Variants in ALPK2 observed in about 807,000 individuals in gnomAD.
ALPK2 encodes alpha kinase 2.
In ALPK2, 127 loss-of-function variants were observed where a neutral mutation model predicts 163.1. The ratio of observed to expected loss-of-function variants is 0.78; its 90% CI spans 0.67 to 0.90. The LOEUF (loss-of-function observed/expected upper bound fraction) is 0.90. Among genes scored for constraint, ALPK2 ranks in the 40% least tolerant of loss-of-function variants. The pLI is 0.00. For missense variants in ALPK2, 2,360 were observed against 2,589.6 expected, an observed-to-expected ratio of 0.91 and a Z score of 1.92; for synonymous variants, 953 against 959.1, an observed-to-expected ratio of 0.99 and a Z score of 0.12.
chr18:58,589,067 T>A (rs546032886), intron 3 of ALPK2, among the ~76,000 whole-genome samples: 1 of 152,206 alleles, frequency 6.6e-6, no homozygotes, highest in Admixed American at 6.5e-5. Context: ...TTGAGAATCA[T>A]TGATTTAAGC....
Position 58,579,143 on chromosome 18 carries a change from T to C in ALPK2, c.1633A>G (p.Asn545Asp), listed in dbSNP as rs1170979345. 1.2e-6 allele frequency: 2 copies of C among 1,614,048 alleles called. No individual in the cohort carries two copies. Among genetic ancestry groups the C allele is most frequent in the African/African-American group, 2.7e-5 (2 of 74,912 alleles). ...ARVRQPGMKG[N>D]PKKPNANLRE... ...AGGTTGGCATTCGGCTTCTTGGGAT[T>C]TCCCTTCATTCCCGGCTGCCTCACC... The change falls in exon 4 of 13, where the codon AAT (asparagine) becomes GAT (aspartate). Residue 545 changes from asparagine to aspartate, a missense_variant. Transcript: ENST00000361673.
intron 12 of ALPK2, among the ~76,000 whole-genome samples, chr18:58,486,407 C>G (rs923650102): frequency 6.6e-6 from 1 of 152,194 alleles, no homozygotes; most frequent in African/African-American, 2.4e-5. Context: ...ACTAGACACC[C>G]CTCTCAGAGT....
intron 4 of ALPK2, among the ~76,000 whole-genome samples, chr18:58,543,168 G>GC (rs140402103): frequency 6.1e-4 from 93 of 152,312 alleles, no homozygotes; most frequent in Admixed American, 1.7e-3. Flanking sequence ...GTGATGCCCT[G>GC]CTCTGCCTTG....
chr18:58,590,701 T>C (rs892837863), intron 3 of ALPK2, among the ~76,000 whole-genome samples: 3 of 152,244 alleles, frequency 2.0e-5, no homozygotes, highest in Non-Finnish European at 4.4e-5. Flanking sequence ...AAGAATTCTC[T>C]GAATTTCTTG....
chr18:58,546,129 G>A (rs111992404), intron 4 of ALPK2, among the ~76,000 whole-genome samples: 108 of 146,650 alleles, frequency 7.4e-4, no homozygotes, highest in Non-Finnish European at 1.2e-3. Flanking sequence ...AGGATAACAC[G>A]TAATAGACTG....
chr18:58,607,345 A>G lies in ALPK2; in HGVS notation c.204T>C (p.Tyr68=). 6.2e-7 allele frequency: 1 copy of G among 1,613,084 alleles called. No individual in the cohort carries two copies. The highest frequency in any genetic ancestry group is 8.5e-7 in the Non-Finnish European group (1 of 1,179,382). Residue 68 remains tyrosine, a synonymous_variant, in exon 3 of 13, where the codon TAT becomes TAC. Coordinates refer to ENST00000361673, the MANE Select transcript of ALPK2 (RefSeq NM_052947.4). ...ISNYEFFENQ[Y]IHVLHLSCCT... ...ACCAAGAGAGATGTAACACATGAATATACTGATTCTCAAAGAATTCATAGT... is the reference window on the plus strand; with the variant it reads ...ACCAAGAGAGATGTAACACATGAATGTACTGATTCTCAAAGAATTCATAGT...
At chr18:58,494,309 G>A (rs1428541466) in intron 12 of ALPK2, among the ~76,000 whole-genome samples, 2 of 152,118 alleles carry the variant, frequency 1.3e-5, no homozygotes, top group Non-Finnish European at 2.9e-5. Flanking sequence ...GAGGCACAGG[G>A]GATGTGTTTC....
At chr18:58,516,840 T>G in intron 9 of ALPK2, 68 bp downstream of exon 9, 5 of 1,543,968 alleles carry the variant, frequency 3.2e-6, no homozygotes, top group South Asian at 2.4e-5. Context: ...CTGAGTCTGA[T>G]TTTCATCTCG....
chr18:58,503,319 G>A (rs1405646653), intron 11 of ALPK2, among the ~76,000 whole-genome samples: 2 of 152,178 alleles, frequency 1.3e-5, no homozygotes, highest in Non-Finnish European at 2.9e-5. Flanking sequence ...GCTGAGTTTA[G>A]GCCTATTGAG....
At chr18:58,539,666 G>A (rs964762298) in intron 4 of ALPK2, among the ~76,000 whole-genome samples, 1 of 152,194 alleles carries the variant, frequency 6.6e-6, no homozygotes, top group Non-Finnish European at 1.5e-5. Flanking sequence ...TGGGGTTCAG[G>A]GGTGGGGATG....
chr18:58,572,840 T>C (rs1004279243), intron 4 of ALPK2, among the ~76,000 whole-genome samples: 2 of 152,210 alleles, frequency 1.3e-5, no homozygotes, highest in Non-Finnish European at 2.9e-5. Flanking sequence ...TAAATGTCTG[T>C]AGATCTTAAT....
rs752770879 is a variant in ALPK2, at chr18:58,536,293, G to C, written c.3894C>G (p.His1298Gln). 54 of 1,614,110 alleles carry C rather than the reference G, an allele frequency of 3.3e-5. No individual in the cohort carries two copies. Among genetic ancestry groups the C allele is most frequent in the Non-Finnish European group, 4.5e-5 (53 of 1,180,040 alleles). ...GGGCTGACTCAGCATCCTCTGGACT[G>C]TGAGCCAATGCTGCTATTTCAGAGG... is the stretch of plus-strand genomic sequence containing the variant. The part of the protein sequence containing the change: ...LAPSEIAALA[H>Q]SPEDAESALA... Residue 1298 changes from histidine to glutamine, a missense_variant, in exon 5 of 13, where the codon CAC becomes CAG. By Grantham distance (24) the His-to-Gln change is conservative. Transcript: ENST00000361673.
intron 3 of ALPK2, among the ~76,000 whole-genome samples, chr18:58,599,391 A>C (rs540025080): frequency 4.6e-5 from 7 of 152,342 alleles, no homozygotes; most frequent in African/African-American, 1.4e-4. Context: ...GCCCTGTGTC[A>C]GGAACACAGA....
intron 4 of ALPK2, among the ~76,000 whole-genome samples, chr18:58,545,487 T>A (rs1234339228): frequency 6.6e-6 from 1 of 152,064 alleles, no homozygotes; most frequent in East Asian, 1.9e-4. Flanking sequence ...TGCCAAGGGA[T>A]CAAAGGGCCT....
Position 58,537,291 on chromosome 18 carries a change from G to A in ALPK2, c.2896C>T (p.Pro966Ser). 6.2e-7 allele frequency: 1 copy of A among 1,614,196 alleles called. No homozygotes were observed. Among genetic ancestry groups the A allele is most frequent in the South Asian group, 1.1e-5 (1 of 91,078 alleles). Residue 966 changes from proline to serine, a missense_variant, in exon 5 of 13, where the codon CCT becomes TCT. By Grantham distance (74) the Pro-to-Ser change is moderately conservative. Transcript: ENST00000361673. ...GTGGCTGTGGTGTCTGCGGCACTAGGACTGGGGCTCTTGTCACCTCCTTCT... is the reference window on the plus strand; with the variant it reads ...GTGGCTGTGGTGTCTGCGGCACTAGAACTGGGGCTCTTGTCACCTCCTTCT... ...FKEGGDKSPS[P>S]SAADTTATPA...
chr18:58,607,540 G>C lies in ALPK2; in HGVS notation c.110-101C>G, dbSNP rs1016773687. On this transcript the variant is annotated intron_variant, in intron 2 of 12. Transcript: ENST00000361673. The stretch of plus-strand genomic sequence containing the variant: ...GAACAAGGATGGACAGTAAGCAACA[G>C]GGATGAGGATGATGGATTACGTTAG... 33 of 693,936 alleles carry C rather than the reference G, an allele frequency of 4.8e-5. No individual in the cohort carries two copies. In the East Asian group the frequency reaches 8.6e-4, roughly 18 times the overall value. The allele number at this position is 693,936 out of a possible 1,614,324, so 43.0% of individuals were successfully genotyped here. A position where few individuals can be genotyped will look rare whatever the true frequency, so the allele number is the denominator to read the frequency against.
intron 1 of ALPK2, among the ~76,000 whole-genome samples, chr18:58,620,589 G>A (rs1315121433): frequency 2.6e-5 from 4 of 152,102 alleles, no homozygotes; most frequent in African/African-American, 4.8e-5. Flanking sequence ...CCAATCTATG[G>A]TGATGATTGC....
intron 4 of ALPK2, among the ~76,000 whole-genome samples, chr18:58,542,335 C>T (rs1337985314): frequency 2.6e-5 from 4 of 152,332 alleles, no homozygotes; most frequent in Non-Finnish European, 5.9e-5. Context: ...AATTTTCCTT[C>T]TTCTCTGTGA....
chr18:58,619,984 A>G (rs2052189657), intron 1 of ALPK2, among the ~76,000 whole-genome samples: 1 of 152,240 alleles, frequency 6.6e-6, no homozygotes. Context: ...CCACTGAGCA[A>G]TAACAAAGAA....
Sources: gnomAD v4.1 joint callset for allele counts (sites outside exome capture counted in the v4.1 genomes callset) on GRCh38, gnomAD v4.1.1 for gene constraint, MANE v1.5 for transcripts, NCBI Gene and HGNC (gene_info 2026-07-23, HGNC 2026-07-21) for gene names.